SALL1: variants seen among roughly 807,000 people sequenced by gnomAD.
SALL1 encodes the protein spalt like transcription factor 1.
SALL1 carries 10 observed loss-of-function variants against 73.1 expected under a neutral mutation model. That is an observed-to-expected ratio of 0.14 (90% confidence interval 0.08 to 0.23). The LOEUF is 0.23. Among genes scored for constraint, SALL1 ranks in the 10% least tolerant of loss-of-function variants. The probability of loss-of-function intolerance (pLI) is 1.00; values close to 1 mark genes in which losing one functional copy is unlikely to be tolerated. For missense variants in SALL1, 1,520 were observed against 1,697.3 expected (o/e 0.90, Z 1.84); for synonymous variants, 688 against 689.8 (o/e 1.00, Z 0.04).
intron 1 of SALL1, chr16:51,150,344 T>G (rs563247534): frequency 2.1e-6 from 2 of 933,312 alleles, no homozygotes; most frequent in South Asian, 9.9e-5. Flanking sequence ...CCCCTGGAAG[T>G]AGGGAGCACC....
chr16:51,150,052 G>T (rs1310476658), intron 1 of SALL1, among the ~76,000 whole-genome samples: 2 of 152,218 alleles, frequency 1.3e-5, no homozygotes, highest in Admixed American at 6.5e-5. Context: ...ACCGCCTCGG[G>T]CGCTAGGCCT....
Position 51,137,502 on chromosome 16 carries a change from C to T in SALL1, c.3585G>A (p.Arg1195=), listed in dbSNP as rs1962333006. ...TCATGGGGCCATCCACAGAGAGCCG[C>T]CGACCCCGTCGTGCAGGGGTGCTAT... The part of the protein sequence containing the change: ...MWNSTPARRG[R]RLSVDGPMTF... The change falls in exon 3 of 3, where the codon CGG becomes CGA. Residue 1195 remains arginine, a synonymous_variant. Transcript: ENST00000251020. 3 of 1,613,892 alleles carry T rather than the reference C, an allele frequency of 1.9e-6. No homozygotes were observed. The highest frequency in any genetic ancestry group is 2.2e-5 in the East Asian group (1 of 44,868).
Position 51,138,933 on chromosome 16 carries a change from G to A in SALL1, c.3289C>T (p.Pro1097Ser), listed in dbSNP as rs775124413. The A allele has an allele frequency of 6.2e-7, 1 of 1,614,198 alleles. No individual in the cohort carries two copies. The highest frequency in any genetic ancestry group is 1.1e-5 in the South Asian group (1 of 91,080). Reference protein sequence around the residue: ...TEVNGFVHVSPQDSKDTPTSH... With the variant: ...TEVNGFVHVSSQDSKDTPTSH... Reference sequence around the variant, plus strand: ...GTGGGGGTGTCCTTACTGTCCTGAGGAGAAACATGCACGAAGCCGTTGACC... The same window carrying A: ...GTGGGGGTGTCCTTACTGTCCTGAGAAGAAACATGCACGAAGCCGTTGACC... Residue 1097 changes from proline to serine, a missense_variant, in exon 2 of 3, where the codon CCT becomes TCT. By Grantham distance (74) the Pro-to-Ser change is moderately conservative. Transcript: ENST00000251020.
In SALL1 at chr16:51,140,633, A is replaced by C. The variant is rs778754832; in HGVS notation, c.1589T>G (p.Met530Arg). ...GACTGGCTTCTCTGGAGGGATGGAC[A>C]TGCCATATGGGATGCCAGTACTCGT... ...IPTSTGIPYGMSIPPEKPVTS... is the reference protein window; with the variant it reads ...IPTSTGIPYGRSIPPEKPVTS... Residue 530 changes from methionine to arginine, a missense_variant, in exon 2 of 3, where the codon ATG (methionine) becomes AGG (arginine). Met to Arg is a moderately conservative substitution (Grantham distance 91). Around this residue, in one of 7 missense-constraint regions of SALL1, gnomAD observed 276 missense variants for 259.1 expected, o/e 1.07. Coordinates refer to ENST00000251020, the MANE Select transcript of SALL1 (RefSeq NM_002968.3). This position sits in a 1 kb window ranked among gnomAD's most constrained non-coding sequence, Gnocchi z 5.7. The C allele has an allele frequency of 3.7e-6, 6 of 1,614,036 alleles. No homozygotes were observed. In the Admixed American group the frequency reaches 1.0e-4, roughly 27 times the overall value.
intron 2 of SALL1, 66 bp from the exon 3 acceptor site, chr16:51,137,618 G>A: frequency 5.6e-6 from 7 of 1,256,190 alleles, no homozygotes; most frequent in South Asian, 2.5e-5. Flanking sequence ...GAGGGGGAGA[G>A]AAGCTTAATA....
chr16:51,144,128 T>C (rs549641746), intron 1 of SALL1, among the ~76,000 whole-genome samples: 1 of 152,312 alleles, frequency 6.6e-6, no homozygotes, highest in Admixed American at 6.5e-5. Context: ...AAATTCTCTT[T>C]AAAGCTTCTT....
upstream of SALL1, among the ~76,000 whole-genome samples, chr16:51,151,846 G>T (rs1391924613): frequency 9.9e-5 from 15 of 151,308 alleles, no homozygotes; most frequent in African/African-American, 3.6e-4. Context: ...GAGGGCTGGG[G>T]ACCCGGGCTG....
Position 51,138,772 on chromosome 16 carries a change from C to T in SALL1, c.3450G>A (p.Gln1150=), listed in dbSNP as rs759024966. 1 of 1,614,200 alleles carries T rather than the reference C, an allele frequency of 6.2e-7. No homozygotes were observed. Among genetic ancestry groups the T allele is most frequent in the South Asian group, 1.1e-5 (1 of 91,084 alleles). Residue 1150 remains glutamine (Q), a synonymous_variant, in exon 2 of 3, where the codon CAG becomes CAA. Coordinates refer to ENST00000251020, the MANE Select transcript of SALL1 (RefSeq NM_002968.3). The part of the protein sequence containing the change: ...GKTFSSSSAL[Q]IHERTHTGEK... ...CTCCAGTGTGAGTTCTCTCGTGAAT[C>T]TGCAGGGCACTCGATGAGGAGAAGG... is the stretch of plus-strand genomic sequence containing the variant.
Position 51,151,258 on chromosome 16 carries a change from G to A in SALL1, c.-17C>T, listed in dbSNP as rs765396003. 5.8e-6 allele frequency: 9 copies of A among 1,561,328 alleles called. No individual in the cohort carries two copies. Among genetic ancestry groups the A allele is most frequent in the Non-Finnish European group, 7.8e-6 (9 of 1,151,474 alleles). On this transcript the variant is annotated 5_prime_UTR_variant, in exon 1 of 3. Transcript: ENST00000251020. ...CCGCGACATGCTGGCTCAAACATCA[G>A]CTGGGGCAGAATAAAAAATTACTAA...
At chr16:51,143,358 T>C (rs1352616859) in intron 1 of SALL1, 2 of 431,006 alleles carry the variant, frequency 4.6e-6, no homozygotes, top group Non-Finnish European at 4.7e-6. Context: ...TTGCCCAGCA[T>C]GGGGAACACC....
rs113614842 is a variant in SALL1, at chr16:51,141,744, C to CGCTGCTGCTGCTGCTGCT, written c.460_477dup (p.Ser154_Ser159dup). The CGCTGCTGCTGCTGCTGCT allele has an allele frequency of 2.1e-5, 33 of 1,579,924 alleles. No individual in the cohort carries two copies. The South Asian group carries it at 3.3e-4, about 16-fold the overall frequency. ...CCTGTGGAGGAGCTGCCGCCGCCGC[C>CGCTGCTGCTGCTGCTGCT]GCTGCTGCTGCTGCTGCTGCTGCTG... On this transcript the variant is annotated inframe_insertion, in exon 2 of 3. Transcript: ENST00000251020. This position sits in a 1 kb window ranked among gnomAD's most constrained non-coding sequence, Gnocchi z 5.4.
At chr16:51,142,426 T>C (rs192516754) in intron 1 of SALL1, among the ~76,000 whole-genome samples, 41 of 152,336 alleles carry the variant, frequency 2.7e-4, no homozygotes, top group Admixed American at 2.4e-3. Flanking sequence ...TGAAATTCCA[T>C]AGCAAAATAT....
At chr16:51,146,611 G>A (rs1256432838) in intron 1 of SALL1, among the ~76,000 whole-genome samples, 1 of 152,134 alleles carries the variant, frequency 6.6e-6, no homozygotes, top group Non-Finnish European at 1.5e-5. Flanking sequence ...AGGAAAAGAC[G>A]CCAAGCTGAT....
rs1469257225 is a variant in SALL1 at position 51,136,036 on chromosome 16, G to A, written c.*1076C>T. ...ATTTGATTACTTGAGTAAAATTACA[G>A]TATCTCTGTTGTTAGTAAGTATTAA... On this transcript the variant is annotated 3_prime_UTR_variant, in exon 3 of 3. Transcript: ENST00000251020. 1 of 152,616 alleles carries A rather than the reference G, an allele frequency of 6.6e-6. No homozygotes were observed. Among genetic ancestry groups the A allele is most frequent in the Non-Finnish European group, 1.5e-5 (1 of 68,046 alleles). 9.5% of individuals were successfully genotyped at this position (152,616 alleles called of 1,614,324 possible).
chr16:51,138,162 A>C (rs544796544), intron 2 of SALL1, among the ~76,000 whole-genome samples: 1 of 152,228 alleles, frequency 6.6e-6, no homozygotes, highest in Admixed American at 6.5e-5. Context: ...TTTCCAACAC[A>C]TATCAGTAGG....
At chr16:51,151,959 G>A (rs938350224), upstream of SALL1, among the ~76,000 whole-genome samples, 3 of 151,214 alleles carry the variant, frequency 2.0e-5, no homozygotes, top group Non-Finnish European at 4.4e-5. Flanking sequence ...CGTTTCGTGA[G>A]TGTTTCTTCG....
At chr16:51,149,751 T>C (rs1962568765) in intron 1 of SALL1, 3 of 152,110 alleles carry the variant, frequency 2.0e-5, no homozygotes, top group Non-Finnish European at 4.4e-5. Flanking sequence ...TTCGCTTCAC[T>C]GTGCCCCAGC....
intron 1 of SALL1, among the ~76,000 whole-genome samples, chr16:51,145,416 A>T (rs1388492232): frequency 6.6e-6 from 1 of 152,082 alleles, no homozygotes; most frequent in Non-Finnish European, 1.5e-5. Flanking sequence ...TGGATTTTGC[A>T]TACAGATTAT....
intron 1 of SALL1, among the ~76,000 whole-genome samples, chr16:51,146,032 AG>A (rs1962514022): frequency 7.0e-6 from 1 of 143,278 alleles, no homozygotes; most frequent in Non-Finnish European, 1.5e-5. Context: ...ACCTGGGAAA[AG>A]TCTGAATCCA....
Sources: allele counts gnomAD v4.1 joint callset (sites outside exome capture counted in the v4.1 genomes callset), GRCh38; gene constraint gnomAD v4.1.1; regional missense constraint gnomAD v4.1.1; non-coding constraint Gnocchi (gnomAD v3.1); transcripts MANE v1.5; gene names NCBI Gene and HGNC (gene_info 2026-07-23, HGNC 2026-07-21).